NRXN3: variants seen among roughly 807,000 people sequenced by gnomAD.
The protein encoded by NRXN3 is neurexin III.
Under a neutral mutation model 137.6 loss-of-function variants are expected in NRXN3, and 32 were observed. That is an observed-to-expected ratio of 0.23 (90% CI 0.18 to 0.31). The LOEUF is 0.31. NRXN3 is among the 10% of genes least tolerant of loss of function. The pLI, the probability that NRXN3 is intolerant of heterozygous loss-of-function variation, is 1.00. For synonymous variants in NRXN3, 798 were observed against 784.5 expected, an observed-to-expected ratio of 1.02 and a Z score of -0.29; for missense variants, 1,574 against 2,062.5, an observed-to-expected ratio of 0.76 and a Z score of 4.59.
At chr14:79,528,820 A>G (rs2097144431) in intron 16 of NRXN3, among the ~76,000 whole-genome samples, 2 of 152,202 alleles carry the variant, frequency 1.3e-5, no homozygotes, top group Non-Finnish European at 2.9e-5. Context: ...ATGCGATATA[A>G]TAAGCTCAGT....
At chr14:79,116,009 G>C (rs1011699760) in intron 15 of NRXN3, among the ~76,000 whole-genome samples, 1 of 152,122 alleles carries the variant, frequency 6.6e-6, no homozygotes, top group African/African-American at 2.4e-5. Context: ...AGGGATACAC[G>C]CAAGGTCACC....
At position 79,785,940 on chromosome 14, in the gene NRXN3, C is replaced by T. The variant is rs116009079; in HGVS notation, c.4015-19172C>T. ...TGGTAAATAACCACTGTGTCAAGAC[C>T]TCCAAGTGCCCTTTACCTCCAGGTC... On this transcript the variant is annotated intron_variant, in intron 19 of 20. Coordinates refer to ENST00000335750, the MANE Select transcript of NRXN3 (RefSeq NM_001330195.2). Among the ~76,000 whole-genome samples, 224 of 151,844 alleles carry T rather than the reference C, an allele frequency of 1.5e-3. 1 individual carries two copies. The highest frequency in any genetic ancestry group is 4.7e-3 in the African/African-American group (193 of 41,398).
At chr14:79,003,815 G>A (rs1033379608) in intron 15 of NRXN3, among the ~76,000 whole-genome samples, 1 of 152,096 alleles carries the variant, frequency 6.6e-6, no homozygotes, top group Non-Finnish European at 1.5e-5. Flanking sequence ...CTCAGCTGCC[G>A]AACATTAGGG....
intron 11 of NRXN3, among the ~76,000 whole-genome samples, chr14:78,963,172 T>C (rs1012883970): frequency 4.6e-5 from 7 of 151,876 alleles, no homozygotes; most frequent in Admixed American, 3.3e-4. Context: ...AAACACTTTT[T>C]TTTTTGCTAT....
chr14:78,559,041 G>A (rs1317159459), intron 4 of NRXN3, among the ~76,000 whole-genome samples: 1 of 152,160 alleles, frequency 6.6e-6, no homozygotes, highest in Non-Finnish European at 1.5e-5. Flanking sequence ...TTGACCTTGG[G>A]TGAAGAGAGT....
rs141539295 is a variant in NRXN3 at position 79,376,099 on chromosome 14, C to G, written c.3263-91122C>G. On this transcript the variant is annotated intron_variant, in intron 15 of 20. Coordinates refer to ENST00000335750, the MANE Select transcript of NRXN3 (RefSeq NM_001330195.2). The stretch of plus-strand genomic sequence containing the variant: ...ATATTGTTTTAGTCATCATCATCAT[C>G]ATATACACGTGAATATATGTACATA... Among the ~76,000 whole-genome samples the G allele has an allele frequency of 1.1e-4, 16 of 146,858 alleles. No homozygotes were observed. In the East Asian group the frequency reaches 3.2e-3, roughly 29 times the overall value.
chr14:78,435,748 C>T (rs1284095569), intron 4 of NRXN3, among the ~76,000 whole-genome samples: 1 of 152,104 alleles, frequency 6.6e-6, no homozygotes, highest in Non-Finnish European at 1.5e-5. Flanking sequence ...GCCAGTGAGA[C>T]TTTTTCCAAA....
intron 4 of NRXN3, among the ~76,000 whole-genome samples, chr14:78,550,288 C>G (rs2152185245): frequency 6.6e-6 from 1 of 152,198 alleles, no homozygotes; most frequent in Admixed American, 6.5e-5. Context: ...CTTCTGCCTC[C>G]CACAGTGCTG....
rs72685477 is a variant in NRXN3 at position 79,015,840 on chromosome 14, T to G, written c.3262+27699T>G. On this transcript the variant is annotated intron_variant, in intron 15 of 20. Coordinates refer to ENST00000335750, the MANE Select transcript of NRXN3 (RefSeq NM_001330195.2). ...GGGAGATGTTTCCTTATGGTTCTGTTGAATTCTCTGGCAGAATGTGAATTC... is the reference window on the plus strand; with the variant it reads ...GGGAGATGTTTCCTTATGGTTCTGTGGAATTCTCTGGCAGAATGTGAATTC... Among the ~76,000 whole-genome samples the G allele has an allele frequency of 1.7e-3, 265 of 152,284 alleles. 1 individual carries two copies. Among genetic ancestry groups the G allele is most frequent in the Non-Finnish European group, 2.5e-3 (170 of 68,018 alleles).
At chr14:78,430,077 T>C (rs1424050953) in intron 4 of NRXN3, among the ~76,000 whole-genome samples, 1 of 152,030 alleles carries the variant, frequency 6.6e-6, no homozygotes, top group Non-Finnish European at 1.5e-5. Context: ...CTAAAACAAA[T>C]GTTTAAAAAA....
chr14:78,510,388 TA>T (rs1304021602), intron 4 of NRXN3, among the ~76,000 whole-genome samples: 1 of 152,200 alleles, frequency 6.6e-6, no homozygotes, highest in African/African-American at 2.4e-5. Flanking sequence ...TGCTTAGCTC[TA>T]ATCTCAAGGA....
At chr14:79,707,227 AT>A in intron 19 of NRXN3, among the ~76,000 whole-genome samples, 1 of 152,342 alleles carries the variant, frequency 6.6e-6, no homozygotes, top group East Asian at 1.9e-4. Context: ...GCTCAAAAAT[AT>A]CAGTTGAAGA....
At chr14:78,895,765 G>A (rs902977735) in intron 10 of NRXN3, among the ~76,000 whole-genome samples, 8 of 151,766 alleles carry the variant, frequency 5.3e-5, no homozygotes, top group African/African-American at 1.9e-4. Flanking sequence ...GGCCTTTGTG[G>A]GAGTATTAAT....
intron 4 of NRXN3, among the ~76,000 whole-genome samples, chr14:78,597,696 C>A (rs2097169227): frequency 6.6e-6 from 1 of 152,190 alleles, no homozygotes; most frequent in Non-Finnish European, 1.5e-5. Flanking sequence ...CTGGGGATGG[C>A]TTTTCTTCTT....
intron 17 of NRXN3, among the ~76,000 whole-genome samples, chr14:79,668,397 T>C (rs1055728762): frequency 7.2e-5 from 11 of 152,182 alleles, no homozygotes; most frequent in Admixed American, 6.6e-5. Flanking sequence ...TTGGTATTAT[T>C]ACTCCTGCCA....
intron 8 of NRXN3, among the ~76,000 whole-genome samples, chr14:78,716,273 A>AT (rs1292796050): frequency 1.3e-5 from 2 of 152,122 alleles, no homozygotes; most frequent in African/African-American, 2.4e-5. Context: ...AGCTTGGTCT[A>AT]TTTTTTTATA....
chr14:78,682,185 G>T (rs577906126), intron 6 of NRXN3, among the ~76,000 whole-genome samples: 1 of 151,886 alleles, frequency 6.6e-6, no homozygotes, highest in Non-Finnish European at 1.5e-5. Flanking sequence ...TTTTTTGTTG[G>T]TTCATTCCAG....
intron 11 of NRXN3, among the ~76,000 whole-genome samples, chr14:78,958,467 T>A (rs1416565547): frequency 6.6e-6 from 1 of 151,964 alleles, no homozygotes. Flanking sequence ...GCCATTCTCC[T>A]GCCTCAGCCT....
At chr14:78,935,427 A>G (rs2099334030) in intron 10 of NRXN3, among the ~76,000 whole-genome samples, 1 of 152,204 alleles carries the variant, frequency 6.6e-6, no homozygotes, top group South Asian at 2.1e-4. Context: ...AAAGGAACTC[A>G]AATTTGAGGA....
Sources: allele counts gnomAD v4.1 joint callset (sites outside exome capture counted in the v4.1 genomes callset), GRCh38; gene constraint gnomAD v4.1.1; transcripts MANE v1.5; gene names NCBI Gene and HGNC (gene_info 2026-07-23, HGNC 2026-07-21).